Variants in MYT1L observed in about 807,000 individuals in gnomAD.
MYT1L encodes myelin transcription factor 1 like.
Under a neutral mutation model 126.7 loss-of-function variants are expected in MYT1L, and 12 were observed. The ratio of observed to expected loss-of-function variants is 0.09; its 90% CI spans 0.06 to 0.15. The LOEUF is 0.15. Ranked by LOEUF, MYT1L falls within the 10% of genes least tolerant of loss-of-function variation. The pLI is 1.00. For missense variants in MYT1L, 979 were observed against 1,585.2 expected, an observed-to-expected ratio of 0.62 and a Z score of 6.49; for synonymous variants, 541 against 604.2, an observed-to-expected ratio of 0.90 and a Z score of 1.53.
chr2:2,190,946 C>T (rs914580783), intron 2 of MYT1L, among the ~76,000 whole-genome samples: 1 of 152,122 alleles, frequency 6.6e-6, no homozygotes, highest in African/African-American at 2.4e-5. Flanking sequence ...CCACCACACC[C>T]AGGTAATTTT....
intron 10 of MYT1L, among the ~76,000 whole-genome samples, chr2:1,919,805 T>C (rs1165687304): frequency 6.6e-6 from 1 of 152,188 alleles, no homozygotes; most frequent in Admixed American, 6.5e-5. Context: ...CTCGGCTCAC[T>C]GCAAGCTCCG....
chr2:1,845,716 C>T (rs1236984832), intron 19 of MYT1L, among the ~76,000 whole-genome samples: 1 of 152,346 alleles, frequency 6.6e-6, no homozygotes, highest in Non-Finnish European at 1.5e-5. Flanking sequence ...GGTGAATACC[C>T]GTTTTCCAGC....
chr2:2,082,462 TCACATGCCTTAAGCCAAGC>T (rs1019413642), intron 3 of MYT1L, among the ~76,000 whole-genome samples: 1 of 152,226 alleles, frequency 6.6e-6, no homozygotes, highest in African/African-American at 2.4e-5. Flanking sequence ...AGGGCAGTTG[TCACATGCCTTAAGCCAAGC>T]CACACATCAG....
chr2:2,301,117 A>G (rs1350957480), intron 1 of MYT1L, among the ~76,000 whole-genome samples: 2 of 151,686 alleles, frequency 1.3e-5, no homozygotes, highest in East Asian at 1.9e-4. Flanking sequence ...CATTAATCCA[A>G]AGAGTGTTCT....
At chr2:1,812,875 C>CAA (rs33917296) in intron 21 of MYT1L, among the ~76,000 whole-genome samples, 2,182 of 59,592 alleles carry the variant, frequency 0.037, 53 homozygotes, top group Non-Finnish European at 0.047. Flanking sequence ...GACTCCGTCT[C>CAA]AAAAAAAAAA....
chr2:2,061,160 C>T (rs913931400), intron 3 of MYT1L, among the ~76,000 whole-genome samples: 1 of 152,068 alleles, frequency 6.6e-6, no homozygotes, highest in Non-Finnish European at 1.5e-5. Context: ...GTATTTTATT[C>T]TCAGGGTTCC....
At position 2,091,989 on chromosome 2, in the gene MYT1L, C is replaced by T. The variant is rs188766500; in HGVS notation, c.-303-37866G>A. On this transcript the variant is annotated intron_variant, in intron 3 of 24. Transcript: ENST00000647738. Reference sequence around the variant, plus strand: ...GGCTGCTCTAATCTTCTATCCAGACCGCTACAACTTTCCCCATATCAGCAA... The same window carrying T: ...GGCTGCTCTAATCTTCTATCCAGACTGCTACAACTTTCCCCATATCAGCAA... 4.3e-4 allele frequency among the ~76,000 whole-genome samples: 65 copies of T among 152,262 alleles called. No homozygotes were observed. In the South Asian group the frequency reaches 5.6e-3, roughly 13 times the overall value.
intron 9 of MYT1L, among the ~76,000 whole-genome samples, chr2:1,925,114 A>G (rs1247793797): frequency 2.0e-5 from 3 of 152,224 alleles, no homozygotes. Flanking sequence ...TTTGAAAACA[A>G]AAAAGCACAG....
At chr2:2,029,240 T>C (rs1215556092) in intron 4 of MYT1L, among the ~76,000 whole-genome samples, 2 of 152,186 alleles carry the variant, frequency 1.3e-5, no homozygotes, top group Non-Finnish European at 2.9e-5. Flanking sequence ...TCCATACACA[T>C]GTGTATGCCT....
intron 1 of MYT1L, among the ~76,000 whole-genome samples, chr2:2,304,957 G>A (rs1487939800): frequency 1.3e-5 from 2 of 152,220 alleles, no homozygotes; most frequent in African/African-American, 4.8e-5. Flanking sequence ...TGTACTTTCA[G>A]TGTACAATAC....
At chr2:2,121,985 C>T (rs115704185) in intron 3 of MYT1L, among the ~76,000 whole-genome samples, 1,817 of 152,222 alleles carry the variant, frequency 0.012, 44 homozygotes, top group African/African-American at 0.041. Flanking sequence ...ACTGCTGCTC[C>T]CCGCACCCCT....
chr2:1,966,163 C>T (rs2059337161), intron 8 of MYT1L, among the ~76,000 whole-genome samples: 1 of 152,232 alleles, frequency 6.6e-6, no homozygotes, highest in Non-Finnish European at 1.5e-5. Flanking sequence ...CTTTATTCAG[C>T]TATGGCAAAA....
chr2:2,025,019 G>A (rs1389805662), intron 4 of MYT1L, among the ~76,000 whole-genome samples: 1 of 152,184 alleles, frequency 6.6e-6, no homozygotes, highest in Non-Finnish European at 1.5e-5. Context: ...TGTTTTTATT[G>A]CCCCCACTGC....
chr2:2,250,935 A>G (rs2094630979), intron 2 of MYT1L, among the ~76,000 whole-genome samples: 1 of 152,196 alleles, frequency 6.6e-6, no homozygotes, highest in South Asian at 2.1e-4. Context: ...AGCATGATTT[A>G]TAATTAAAAA....
In MYT1L at chr2:2,224,308, AG is replaced by A. The variant is rs1449504290; in HGVS notation, c.-420-51321del. 3.3e-5 allele frequency among the ~76,000 whole-genome samples: 5 copies of A among 152,084 alleles called. No individual in the cohort carries two copies. Among genetic ancestry groups the A allele is most frequent in the Non-Finnish European group, 7.3e-5 (5 of 68,030 alleles). ...TGACAGCAACAGATGGCACCCAGAA[AG>A]GAGGCGTGGCGAGACCTTCCAGCAG... On this transcript the variant is annotated intron_variant, in intron 2 of 24. Coordinates refer to ENST00000647738, the MANE Select transcript of MYT1L (RefSeq NM_001303052.2). The surrounding 1 kb of genome is among the most constrained non-coding windows in gnomAD (Gnocchi z 4.0).
chr2:2,159,725 C>T (rs2087510762), intron 3 of MYT1L, among the ~76,000 whole-genome samples: 1 of 152,002 alleles, frequency 6.6e-6, no homozygotes, highest in African/African-American at 2.4e-5. Flanking sequence ...CCATTAAAGC[C>T]CTCGCAGCCT....
intron 4 of MYT1L, among the ~76,000 whole-genome samples, chr2:2,016,662 G>A (rs951210546): frequency 6.6e-6 from 1 of 152,126 alleles, no homozygotes. Context: ...GACAATAAAA[G>A]ACAAAAATAA....
intron 11 of MYT1L, among the ~76,000 whole-genome samples, chr2:1,916,716 C>T (rs975769166): frequency 1.3e-5 from 2 of 152,154 alleles, no homozygotes; most frequent in Admixed American, 6.5e-5. Flanking sequence ...TGACATGAGA[C>T]AGACTTTACA....
At chr2:2,267,844 C>T (rs914664102) in intron 2 of MYT1L, among the ~76,000 whole-genome samples, 11 of 152,042 alleles carry the variant, frequency 7.2e-5, no homozygotes, top group Non-Finnish European at 1.5e-4. Context: ...TGGACACCAT[C>T]CTTAAGGCAA....
Sources: allele counts gnomAD v4.1 joint callset (sites outside exome capture counted in the v4.1 genomes callset), GRCh38; gene constraint gnomAD v4.1.1; non-coding constraint Gnocchi (gnomAD v3.1); transcripts MANE v1.5; gene names NCBI Gene and HGNC (gene_info 2026-07-23, HGNC 2026-07-21).